Variants in XKR5 observed in about 807,000 individuals in gnomAD.
The protein encoded by XKR5 is XK-related protein 5.
A neutral mutation model predicts 40.8 loss-of-function variants in XKR5; 46 were observed. That is an observed-to-expected ratio of 1.13 (90% CI 0.89 to 1.44). The LOEUF (loss-of-function observed/expected upper bound fraction) is 1.44. Among genes scored for constraint, XKR5 ranks in the 40% most tolerant of loss-of-function variants. XKR5 has a pLI of 0.00. For synonymous variants in XKR5, 466 were observed against 356.1 expected, an observed-to-expected ratio of 1.31 and a Z score of -3.48; for missense variants, 1,169 against 844.7, an observed-to-expected ratio of 1.38 and a Z score of -4.76.
intron 5 of XKR5, among the ~76,000 whole-genome samples, chr8:6,819,845 A>T (rs143629206): frequency 0.4 from 55,637 of 140,394 alleles, 11,062 homozygotes; most frequent in East Asian, 0.63. Context: ...CCTCTTCCCT[A>T]CCTTCCTTTC....
chr8:6,831,133 G>A (rs1804745888), intron 2 of XKR5, among the ~76,000 whole-genome samples: 1 of 152,220 alleles, frequency 6.6e-6, no homozygotes, highest in Non-Finnish European at 1.5e-5. Flanking sequence ...TTACGACTGT[G>A]ATGGTCAAAG....
intron 5 of XKR5, 44 bp downstream of exon 5, chr8:6,821,825 C>G (rs758936525): frequency 6.3e-7 from 1 of 1,579,312 alleles, no homozygotes; most frequent in Non-Finnish European, 8.6e-7. Flanking sequence ...ACCCCACTTG[C>G]TGTATACACT....
intron 6 of XKR5, 58 bp downstream of exon 6, chr8:6,815,749 A>T: frequency 3.8e-6 from 1 of 262,494 alleles, no homozygotes; most frequent in East Asian, 1.4e-4. Flanking sequence ...AGCCCATTGT[A>T]AAAAAAAAAA....
At chr8:6,830,597 C>G (rs950631848) in intron 2 of XKR5, among the ~76,000 whole-genome samples, 8 of 152,204 alleles carry the variant, frequency 5.3e-5, no homozygotes, top group African/African-American at 1.9e-4. Context: ...AACATTTCAT[C>G]TCGATACCTG....
intron 1 of XKR5, 134 bp downstream of exon 1, chr8:6,835,302 G>T: frequency 1.1e-6 from 1 of 884,260 alleles, no homozygotes; most frequent in Non-Finnish European, 1.6e-6. Flanking sequence ...CCACCACCGT[G>T]CGTCACCGGC....
At chr8:6,827,521 C>G (rs1804564979) in intron 2 of XKR5, among the ~76,000 whole-genome samples, 2 of 152,182 alleles carry the variant, frequency 1.3e-5, no homozygotes, top group African/African-American at 2.4e-5. Context: ...GGACAGATGT[C>G]TAAGAAAAAC....
intron 2 of XKR5, among the ~76,000 whole-genome samples, chr8:6,831,391 G>C (rs1804756074): frequency 6.6e-6 from 1 of 152,186 alleles, no homozygotes; most frequent in South Asian, 2.1e-4. Context: ...TGCTGTTAGA[G>C]GTTTAGGGTC....
intron 2 of XKR5, among the ~76,000 whole-genome samples, chr8:6,832,285 G>A (rs887234317): frequency 1.3e-4 from 20 of 152,190 alleles, no homozygotes; most frequent in African/African-American, 4.1e-4. Context: ...TTCCTGAGAC[G>A]AAGTCTTGAA....
At chr8:6,834,986 C>A (rs1429667467) in intron 1 of XKR5, among the ~76,000 whole-genome samples, 1 of 152,212 alleles carries the variant, frequency 6.6e-6, no homozygotes. Flanking sequence ...GTCGCAGGGT[C>A]CCCCTGGACG....
chr8:6,826,755 C>T (rs901942415), intron 2 of XKR5, among the ~76,000 whole-genome samples: 2 of 151,990 alleles, frequency 1.3e-5, no homozygotes, highest in South Asian at 2.1e-4. Flanking sequence ...CCAAGGACAG[C>T]ACCCTGGGGA....
Position 6,813,325 on chromosome 8 carries a change from T to G in XKR5, c.920-986A>C, listed in dbSNP as rs10110860. Among the ~76,000 whole-genome samples the G allele has an allele frequency of 8.3e-3, 1,258 of 152,318 alleles. 12 individuals carry two copies. The highest frequency in any genetic ancestry group is 0.028 in the African/African-American group (1,176 of 41,578). On this transcript the variant is annotated intron_variant, in intron 6 of 6. Coordinates refer to ENST00000618742, the MANE Select transcript of XKR5 (RefSeq NM_207411.5). ...GTTTTGAATTCTCACAATTGCCTGGTGAGGGACATATTGTCACCCTTCTTT... is the reference window on the plus strand; with the variant it reads ...GTTTTGAATTCTCACAATTGCCTGGGGAGGGACATATTGTCACCCTTCTTT...
At position 6,811,204 on chromosome 8, in the gene XKR5, GA is replaced by G. The variant is rs1397775802; in HGVS notation, c.2054del (p.Phe685SerfsTer49). 6.5e-7 allele frequency: 1 copy of G among 1,534,642 alleles called. No individual in the cohort carries two copies. Among genetic ancestry groups the G allele is most frequent in the Non-Finnish European group, 8.7e-7 (1 of 1,144,942 alleles). On this transcript the variant is annotated frameshift_variant, in exon 7 of 7. Transcript: ENST00000618742. LOFTEE classifies it high-confidence loss of function. ...TATCCCACCATGACTGTGGTCAGAT[GA>G]AAAAACTCGGCTCTTGCTTCATCTG... ...REQMKQEPSF[F>X]I
At chr8:6,826,846 C>G (rs1236096700) in intron 2 of XKR5, among the ~76,000 whole-genome samples, 3 of 152,122 alleles carry the variant, frequency 2.0e-5, no homozygotes, top group African/African-American at 4.8e-5. Flanking sequence ...GCGGAGAGAG[C>G]TGCTGATCTC....
chr8:6,813,385 A>C (rs1262390852), intron 6 of XKR5, among the ~76,000 whole-genome samples: 1 of 152,216 alleles, frequency 6.6e-6, no homozygotes, highest in Non-Finnish European at 1.5e-5. Context: ...AAAGATGAAC[A>C]AAGGCCCCTG....
At position 6,817,733 on chromosome 8, in the gene XKR5, C is replaced by A. The variant is rs540161123; in HGVS notation, c.808-1815G>T. On this transcript the variant is annotated intron_variant, in intron 5 of 6. Transcript: ENST00000618742. ...CTTGCAGTTGCAAATCATTTCGCTG[C>A]GCTCTGAGATATACATCCTCTATTA... is the stretch of plus-strand genomic sequence containing the variant. 5.9e-5 allele frequency among the ~76,000 whole-genome samples: 9 copies of A among 152,324 alleles called. No individual in the cohort carries two copies. In the South Asian group the frequency reaches 1.9e-3, roughly 32 times the overall value.
chr8:6,833,098 T>A (rs1043296070), intron 1 of XKR5, among the ~76,000 whole-genome samples, 198 bp from the exon 2 acceptor site: 2 of 152,168 alleles, frequency 1.3e-5, no homozygotes, highest in African/African-American at 4.8e-5. Context: ...AGCTTGCCTT[T>A]GACATGCGAA....
chr8:6,831,666 T>C (rs930154828), intron 2 of XKR5, among the ~76,000 whole-genome samples: 1 of 152,092 alleles, frequency 6.6e-6, no homozygotes, highest in African/African-American at 2.4e-5. Context: ...TATGATTTAA[T>C]GAACACTTGA....
intron 5 of XKR5, among the ~76,000 whole-genome samples, chr8:6,821,325 T>C (rs1587175541): frequency 6.6e-6 from 1 of 152,176 alleles, no homozygotes; most frequent in Admixed American, 6.5e-5. Context: ...CCCAGACATT[T>C]TTTTCTCTCC....
chr8:6,811,442 G>A lies in XKR5; in HGVS notation c.1817C>T (p.Pro606Leu). 6.5e-7 allele frequency: 1 copy of A among 1,536,310 alleles called. No homozygotes were observed. Among genetic ancestry groups the A allele is most frequent in the Non-Finnish European group, 8.7e-7 (1 of 1,146,364 alleles). ...ADISPILGTGPCRGFCPSAGF... is the reference protein window; with the variant it reads ...ADISPILGTGLCRGFCPSAGF... ...TGCACTGGGGCAGAAGCCTCTACATGGGCCTGTGCCTAGGATGGGGCTAAT... is the reference window on the plus strand; with the variant it reads ...TGCACTGGGGCAGAAGCCTCTACATAGGCCTGTGCCTAGGATGGGGCTAAT... Residue 606 changes from proline to leucine, a missense_variant, in exon 7 of 7, where the codon CCA (proline) becomes CTA (leucine). Transcript: ENST00000618742.
Sources: allele counts gnomAD v4.1 joint callset (sites outside exome capture counted in the v4.1 genomes callset), GRCh38; gene constraint gnomAD v4.1.1; transcripts MANE v1.5; gene names NCBI Gene and HGNC (gene_info 2026-07-23, HGNC 2026-07-21).